Variants in DHRS7B observed in about 807,000 individuals in gnomAD.
The protein encoded by DHRS7B is peroxisomal reductase activating PPAR-gamma.
Under a neutral mutation model 26.4 loss-of-function variants are expected in DHRS7B, and 24 were observed. That is an observed-to-expected ratio of 0.91 (90% CI 0.66 to 1.28). DHRS7B has a LOEUF of 1.28. DHRS7B is among the 50% of genes most tolerant of loss of function. The pLI is 0.00. For missense variants in DHRS7B, 368 were observed against 419.4 expected (o/e 0.88, Z 1.07); for synonymous variants, 142 against 166.4 (o/e 0.85, Z 1.13).
At chr17:21,133,988 C>T (rs1168623715) in intron 1 of DHRS7B, among the ~76,000 whole-genome samples, 1 of 149,768 alleles carries the variant, frequency 6.7e-6, no homozygotes, top group Admixed American at 6.6e-5. Context: ...TAAGAAAGCA[C>T]AGCTTAGTTT....
intron 5 of DHRS7B, among the ~76,000 whole-genome samples, chr17:21,185,619 A>G (rs183871431): frequency 4.7e-4 from 72 of 152,310 alleles, no homozygotes; most frequent in Admixed American, 1.2e-3. Flanking sequence ...GGAAAAAACA[A>G]TTATATATAG....
At chr17:21,186,938 A>G (rs774069401) in intron 5 of DHRS7B, among the ~76,000 whole-genome samples, 3 of 152,132 alleles carry the variant, frequency 2.0e-5, no homozygotes, top group African/African-American at 7.2e-5. Context: ...GATGGGGCCA[A>G]TTCTGTCACT....
Position 21,191,089 on chromosome 17 carries a change from C to G in DHRS7B, c.914C>G (p.Pro305Arg). ...SLAVYLRTLA[P>R]GLFFSLMASR... ...GCTGTTTATCTTCGAACTCTGGCTC[C>G]TGGGCTCTTCTTCAGCCTCATGGCC... The change falls in exon 7 of 7, where the codon CCT (proline) becomes CGT (arginine). Residue 305 changes from proline to arginine, a missense_variant. Pro to Arg is a moderately radical substitution (Grantham distance 103, BLOSUM62 -2). Transcript: ENST00000395511. 1 of 1,614,168 alleles carries G rather than the reference C, an allele frequency of 6.2e-7. No homozygotes were observed. The highest frequency in any genetic ancestry group is 8.5e-7 in the Non-Finnish European group (1 of 1,180,052).
At chr17:21,155,524 C>T (rs1973861367) in intron 1 of DHRS7B, among the ~76,000 whole-genome samples, 1 of 152,174 alleles carries the variant, frequency 6.6e-6, no homozygotes, top group Non-Finnish European at 1.5e-5. Flanking sequence ...GATGAATCCA[C>T]TATTGTATTT....
intron 3 of DHRS7B, 67 bp from the exon 4 acceptor site, chr17:21,183,527 C>CTAAGTGTTTTGAGGCTAA (rs1974559089): frequency 7.0e-7 from 1 of 1,434,716 alleles, no homozygotes; most frequent in Admixed American, 1.7e-5. Context: ...CTAAGTGATC[C>CTAAGTGTTTTGAGGCTAA]GTGGGACACA....
rs1304017672 is a variant in DHRS7B, at chr17:21,183,766, G to C, written c.482G>C (p.Arg161Thr). ...GACACCACAGTGGATGTGGACAAGA[G>C]GGTCATGGAGACAAACTACTTTGGC... ...IMDTTVDVDKRVMETNYFGPV... is the reference protein window; with the variant it reads ...IMDTTVDVDKTVMETNYFGPV... The change falls in exon 4 of 7, where the codon AGG becomes ACG. Residue 161 changes from arginine (R) to threonine (T), a missense_variant. Arg to Thr is a moderately conservative substitution (Grantham distance 71, BLOSUM62 -1). Coordinates refer to ENST00000395511, the MANE Select transcript of DHRS7B (RefSeq NM_015510.5). 2 of 1,614,106 alleles carry C rather than the reference G, an allele frequency of 1.2e-6. No individual in the cohort carries two copies. The highest frequency in any genetic ancestry group is 8.5e-7 in the Non-Finnish European group (1 of 1,180,054).
chr17:21,174,668 T>A (rs1974334314), intron 2 of DHRS7B, among the ~76,000 whole-genome samples: 1 of 152,226 alleles, frequency 6.6e-6, no homozygotes, highest in African/African-American at 2.4e-5. Context: ...CCAAAGCTGT[T>A]TAGACTCCAG....
chr17:21,129,810 A>AC (rs1973191370), intron 1 of DHRS7B, among the ~76,000 whole-genome samples: 1 of 151,972 alleles, frequency 6.6e-6, no homozygotes, highest in Admixed American at 6.6e-5. Flanking sequence ...AAGAAATCCC[A>AC]CCACTTATTT....
intron 5 of DHRS7B, among the ~76,000 whole-genome samples, chr17:21,188,389 T>A (rs1459149809): frequency 6.6e-6 from 1 of 152,232 alleles, no homozygotes; most frequent in Non-Finnish European, 1.5e-5. Flanking sequence ...GCTCATTTAT[T>A]CCTATTTCAG....
chr17:21,169,886 A>G (rs1597749291), intron 1 of DHRS7B, among the ~76,000 whole-genome samples: 2 of 151,864 alleles, frequency 1.3e-5, no homozygotes, highest in East Asian at 3.9e-4. Context: ...TCATACCTCA[A>G]GCTCATCCTG....
At chr17:21,166,420 G>C in intron 1 of DHRS7B, 1 of 985,282 alleles carries the variant, frequency 1.0e-6, no homozygotes. Context: ...CAAAAGACCA[G>C]AGAAGACACT....
At chr17:21,139,011 GA>G (rs1402369344) in intron 1 of DHRS7B, among the ~76,000 whole-genome samples, 3 of 152,132 alleles carry the variant, frequency 2.0e-5, no homozygotes, top group Non-Finnish European at 4.4e-5. Flanking sequence ...TTGTAACAGT[GA>G]AAAATGATTT....
chr17:21,180,936 G>A (rs1474856002), intron 3 of DHRS7B, among the ~76,000 whole-genome samples: 1 of 152,188 alleles, frequency 6.6e-6, no homozygotes, highest in East Asian at 1.9e-4. Flanking sequence ...GTCCATGAAT[G>A]CAGGATGTCT....
Position 21,188,683 on chromosome 17 carries a change from T to C in DHRS7B, c.620-28T>C, listed in dbSNP as rs781355838. 1.5e-5 allele frequency: 23 copies of C among 1,552,784 alleles called. No individual in the cohort carries two copies. In the East Asian group the frequency reaches 5.2e-4, roughly 35 times the overall value. On this transcript the variant is annotated intron_variant, in intron 5 of 6. Transcript: ENST00000395511. ...GCCATGCCCACCCCAGCGCACTCAGTCACCTGCCTCTCCGTCCACATGTGT... is the reference window on the plus strand; with the variant it reads ...GCCATGCCCACCCCAGCGCACTCAGCCACCTGCCTCTCCGTCCACATGTGT...
chr17:21,184,431 A>G lies in DHRS7B; in HGVS notation c.587A>G (p.Gln196Arg). 1 of 1,614,248 alleles carries G rather than the reference A, an allele frequency of 6.2e-7. No homozygotes were observed. The highest frequency in any genetic ancestry group is 1.3e-5 in the African/African-American group (1 of 75,080). Residue 196 changes from glutamine to arginine, a missense_variant, in exon 5 of 7, where the codon CAG becomes CGG. Coordinates refer to ENST00000395511, the MANE Select transcript of DHRS7B (RefSeq NM_015510.5). ...CACATTGTCGCCATCAGCAGCATCC[A>G]GGGCAAGATGAGCATTCCTTTTCGA... The part of the protein sequence containing the change: ...QGHIVAISSI[Q>R]GKMSIPFRSA...
At chr17:21,129,704 CAAAAA>C (rs61077377) in intron 1 of DHRS7B, among the ~76,000 whole-genome samples, 361 of 74,766 alleles carry the variant, frequency 4.8e-3, no homozygotes, top group African/African-American at 0.016. Flanking sequence ...GACCCTGACT[CAAAAA>C]AAAAAAAAAA....
At chr17:21,127,265 GTCGCGCCGGGCGCTGTGTGTGAAAGGCC>G (rs1454631771) in intron 1 of DHRS7B, 1 of 450,736 alleles carries the variant, frequency 2.2e-6, no homozygotes, top group Non-Finnish European at 3.9e-6. Flanking sequence ...GGGAATGGGT[GTCGCGCCGGGCGCTGTGTGTGAAAGGCC>G]TCGCGCCCAC....
In DHRS7B at chr17:21,188,891, T is replaced by C. The variant is rs754351755; in HGVS notation, c.772+28T>C. On this transcript the variant is annotated intron_variant, in intron 6 of 6. Transcript: ENST00000395511. ...GAGGCCCGGTTTCTCTTTTCTCCTA[T>C]GAAAATCTGTCGGTCAGCCACAGTG... 23 of 1,613,916 alleles carry C rather than the reference T, an allele frequency of 1.4e-5. No homozygotes were observed. The African/African-American group carries it at 2.3e-4, about 16-fold the overall frequency.
chr17:21,184,564 A>G, intron 5 of DHRS7B, 101 bp downstream of exon 5: 1 of 1,204,464 alleles, frequency 8.3e-7, no homozygotes. Context: ...TGTAGAAATA[A>G]ACTATCCAGA....
Sources: allele counts gnomAD v4.1 joint callset (sites outside exome capture counted in the v4.1 genomes callset), GRCh38; gene constraint gnomAD v4.1.1; transcripts MANE v1.5; gene names NCBI Gene and HGNC (gene_info 2026-07-23, HGNC 2026-07-21).